Variants in AGAP1 observed in about 807,000 individuals in gnomAD.
AGAP1 encodes arf-GAP with GTPase, ANK repeat and PH domain-containing protein 1.
Under a neutral mutation model 105.3 loss-of-function variants are expected in AGAP1, and 29 were observed. The observed-to-expected ratio is 0.28, with a 90% CI of 0.21 to 0.38. The LOEUF is 0.38. Ranked by LOEUF, AGAP1 falls within the 10% of genes least tolerant of loss-of-function variation. The pLI, the probability that AGAP1 is intolerant of heterozygous loss-of-function variation, is 1.00. For missense variants in AGAP1, 998 were observed against 1,165.1 expected (o/e 0.86, Z 2.09); for synonymous variants, 509 against 485.9 (o/e 1.05, Z -0.63).
rs905378331 is a variant in AGAP1 at position 235,642,270 on chromosome 2, G to A, written c.164-66909G>A. On this transcript the variant is annotated intron_variant, in intron 1 of 17. Transcript: ENST00000304032. The surrounding 1 kb of genome is among the most constrained non-coding windows in gnomAD (Gnocchi z 4.1). ...CGCATTTCTTTCCTCACATTTGGGG[G>A]CATTCAGTGGGGGAGGATTTACAAA... Among the ~76,000 whole-genome samples the A allele has an allele frequency of 2.0e-5, 3 of 152,156 alleles. No homozygotes were observed. The highest frequency in any genetic ancestry group is 7.2e-5 in the African/African-American group (3 of 41,452).
At chr2:235,537,047 C>T (rs532315907) in intron 1 of AGAP1, among the ~76,000 whole-genome samples, 5 of 152,222 alleles carry the variant, frequency 3.3e-5, no homozygotes, top group Non-Finnish European at 4.4e-5. Flanking sequence ...AGCTCCTCTG[C>T]GCCTGCCCAG....
rs2056620388 is a variant in AGAP1, at chr2:236,014,365, C to T, written c.1646-22196C>T. The stretch of plus-strand genomic sequence containing the variant: ...TTCTCCAACACATAGGCATGAACTG[C>T]TCATAACCAGGGTCTCTTGATTTGA... On this transcript the variant is annotated intron_variant, in intron 13 of 17. Transcript: ENST00000304032. This position sits in a 1 kb window ranked among gnomAD's most constrained non-coding sequence, Gnocchi z 6.3. Among the ~76,000 whole-genome samples, 1 of 152,170 alleles carries T rather than the reference C, an allele frequency of 6.6e-6. No homozygotes were observed.
At chr2:235,811,208 C>T (rs566135493) in intron 9 of AGAP1, among the ~76,000 whole-genome samples, 11 of 152,116 alleles carry the variant, frequency 7.2e-5, no homozygotes, top group Admixed American at 3.9e-4. Flanking sequence ...CACAGTCATA[C>T]GCCTTGGCCT....
chr2:235,715,493 G>A (rs1183438832), intron 2 of AGAP1, among the ~76,000 whole-genome samples: 1 of 152,198 alleles, frequency 6.6e-6, no homozygotes, highest in Non-Finnish European at 1.5e-5. Flanking sequence ...GGTGACAGGA[G>A]CAGTGAAGTG....
intron 1 of AGAP1, among the ~76,000 whole-genome samples, chr2:235,686,781 G>A (rs377486034): frequency 7.2e-4 from 107 of 149,166 alleles, no homozygotes; most frequent in African/African-American, 2.0e-3. Context: ...AGCCACCCAA[G>A]TAGCTGAGAC....
chr2:236,051,498 A>G lies in AGAP1; in HGVS notation c.2114+2217A>G, dbSNP rs1428668618. On this transcript the variant is annotated intron_variant, in intron 16 of 17. Transcript: ENST00000304032. This position sits in a 1 kb window ranked among gnomAD's most constrained non-coding sequence, Gnocchi z 5.9. The stretch of plus-strand genomic sequence containing the variant: ...TTCCCAGGGCCAGGGCCAGGGGACC[A>G]GGTGGGAAGGCGGGCTGGAGGGTGG... Among the ~76,000 whole-genome samples the G allele has an allele frequency of 6.6e-6, 1 of 150,672 alleles. No homozygotes were observed. The highest frequency in any genetic ancestry group is 1.5e-5 in the Non-Finnish European group (1 of 67,488).
chr2:235,504,720 T>G (rs1941717714), intron 1 of AGAP1, among the ~76,000 whole-genome samples: 1 of 152,180 alleles, frequency 6.6e-6, no homozygotes, highest in African/African-American at 2.4e-5. Context: ...TGGGAAACCT[T>G]TCAGTGCTTT....
At chr2:235,686,642 T>TAG (rs1949437295) in intron 1 of AGAP1, among the ~76,000 whole-genome samples, 4 of 45,126 alleles carry the variant, frequency 8.9e-5, no homozygotes, top group Non-Finnish European at 1.6e-4. Flanking sequence ...TATATATATA[T>TAG]ATAGATATAT....
intron 9 of AGAP1, among the ~76,000 whole-genome samples, chr2:235,835,422 C>T (rs1347589860): frequency 6.6e-6 from 1 of 152,180 alleles, no homozygotes; most frequent in African/African-American, 2.4e-5. Context: ...GAGCGTTTTT[C>T]TTCCTTCATC....
chr2:235,863,021 G>A (rs953969143), intron 9 of AGAP1, among the ~76,000 whole-genome samples: 6 of 152,166 alleles, frequency 3.9e-5, no homozygotes, highest in African/African-American at 1.2e-4. Context: ...CTGCTCACTG[G>A]TTATATTACC....
chr2:235,511,084 C>A (rs903374116), intron 1 of AGAP1, among the ~76,000 whole-genome samples: 1 of 152,100 alleles, frequency 6.6e-6, no homozygotes, highest in Non-Finnish European at 1.5e-5. Context: ...TTTGTTACAA[C>A]TTTGGGGTGT....
rs139384378 is a variant in AGAP1 at position 236,099,372 on chromosome 2, A to G, written c.2115-20820A>G. Reference sequence around the variant, plus strand: ...CGGGAGGCTGAGGCAGGAGAATGGCATGAACCCAGGAGGAGGAGGTTGCGG... The same window carrying G: ...CGGGAGGCTGAGGCAGGAGAATGGCGTGAACCCAGGAGGAGGAGGTTGCGG... On this transcript the variant is annotated intron_variant, in intron 16 of 17. Transcript: ENST00000304032. Among the ~76,000 whole-genome samples the G allele has an allele frequency of 3.7e-3, 564 of 151,596 alleles. 3 individuals carry two copies. Among genetic ancestry groups the G allele is most frequent in the African/African-American group, 0.013 (533 of 41,354 alleles).
At chr2:235,812,904 C>T (rs886600794) in intron 9 of AGAP1, among the ~76,000 whole-genome samples, 4 of 152,222 alleles carry the variant, frequency 2.6e-5, no homozygotes, top group East Asian at 1.9e-4. Flanking sequence ...TCCCCAGAAG[C>T]AGATAATTTA....
In AGAP1 at chr2:235,651,507, C is replaced by T. The variant is rs140663235; in HGVS notation, c.164-57672C>T. Among the ~76,000 whole-genome samples, 6 of 152,214 alleles carry T rather than the reference C, an allele frequency of 3.9e-5. No individual in the cohort carries two copies. The East Asian group carries it at 1.2e-3, about 29-fold the overall frequency. ...GGAAAAACATGAAGATTCCCATAGG[C>T]AAATAGACAAAAACCAATTAATCTG... is the stretch of plus-strand genomic sequence containing the variant. On this transcript the variant is annotated intron_variant, in intron 1 of 17. Coordinates refer to ENST00000304032, the MANE Select transcript of AGAP1 (RefSeq NM_001037131.3).
rs533166004 is a variant in AGAP1 at position 235,989,529 on chromosome 2, G to A, written c.1645+20906G>A. Among the ~76,000 whole-genome samples, 4 of 152,294 alleles carry A rather than the reference G, an allele frequency of 2.6e-5. No homozygotes were observed. The highest frequency in any genetic ancestry group is 4.4e-5 in the Non-Finnish European group (3 of 68,006). On this transcript the variant is annotated intron_variant, in intron 13 of 17. Coordinates refer to ENST00000304032, the MANE Select transcript of AGAP1 (RefSeq NM_001037131.3). The surrounding 1 kb of genome is among the most constrained non-coding windows in gnomAD (Gnocchi z 4.4). Reference sequence around the variant, plus strand: ...GGGAGGCAGCCCCAGGCAGGGCCTGGGCACACTGGTGGCGTAGCTGAGGGG... The same window carrying A: ...GGGAGGCAGCCCCAGGCAGGGCCTGAGCACACTGGTGGCGTAGCTGAGGGG...
chr2:236,011,802 C>T (rs2056520608), intron 13 of AGAP1, among the ~76,000 whole-genome samples: 1 of 152,048 alleles, frequency 6.6e-6, no homozygotes, highest in African/African-American at 2.4e-5. Flanking sequence ...CCGAGAATCG[C>T]CTTTTATTCC....
intron 6 of AGAP1, among the ~76,000 whole-genome samples, chr2:235,761,625 C>A (rs529115830): frequency 6.6e-6 from 1 of 152,272 alleles, no homozygotes; most frequent in South Asian, 2.1e-4. Context: ...CCACGGCATT[C>A]TGCTCTTTCT....
At chr2:235,896,839 T>A (rs1278466278) in intron 10 of AGAP1, among the ~76,000 whole-genome samples, 1 of 152,252 alleles carries the variant, frequency 6.6e-6, no homozygotes, top group Non-Finnish European at 1.5e-5. Context: ...AAAAACTCAC[T>A]GGTGTTACAC....
rs145644319 is a variant in AGAP1, at chr2:235,539,832, TGAA to T, written c.163+44986_163+44988del. On this transcript the variant is annotated intron_variant, in intron 1 of 17. Coordinates refer to ENST00000304032, the MANE Select transcript of AGAP1 (RefSeq NM_001037131.3). ...GAGACAGAAAGGATAGGAATGAAAA[TGAA>T]GAGCAACTAAGGGATGTGAAGATTT... Among the ~76,000 whole-genome samples the T allele has an allele frequency of 4.4e-3, 675 of 152,190 alleles. 5 individuals carry two copies. The highest frequency in any genetic ancestry group is 0.015 in the African/African-American group (611 of 41,528).
Sources: gnomAD v4.1 joint callset for allele counts (sites outside exome capture counted in the v4.1 genomes callset) on GRCh38, gnomAD v4.1.1 for gene constraint, Gnocchi (gnomAD v3.1) non-coding constraint, MANE v1.5 for transcripts, NCBI Gene and HGNC (gene_info 2026-07-23, HGNC 2026-07-21) for gene names.